Variants in OGDHL observed in about 807,000 individuals in gnomAD.
The protein encoded by OGDHL is 2-oxoglutarate dehydrogenase-like, mitochondrial.
A neutral mutation model predicts 109.6 loss-of-function variants in OGDHL; 79 were observed. The observed-to-expected ratio is 0.72, with a 90% CI of 0.60 to 0.87. OGDHL has a LOEUF of 0.87. Ranked by LOEUF, OGDHL falls within the 40% of genes least tolerant of loss-of-function variation. The pLI, the probability that OGDHL is intolerant of heterozygous loss-of-function variation, is 0.00. For synonymous variants in OGDHL, 528 were observed against 537.2 expected, an observed-to-expected ratio of 0.98 and a Z score of 0.24; for missense variants, 1,275 against 1,362.2, an observed-to-expected ratio of 0.94 and a Z score of 1.01.
At position 49,742,991 on chromosome 10, in the gene OGDHL, A is replaced by C. The variant is rs1469401175; in HGVS notation, c.1862-13T>G. 1 of 1,610,962 alleles carries C rather than the reference A, an allele frequency of 6.2e-7. No homozygotes were observed. The highest frequency in any genetic ancestry group is 1.7e-5 in the Admixed American group (1 of 59,982). On this transcript the variant is annotated splice_polypyrimidine_tract_variant and intron_variant, in intron 14 of 22. Transcript: ENST00000374103. Reference sequence around the variant, plus strand: ...ATGCGAGAGAGGCCTGTGGGAAAGGAGTGCTGGCCTGAGGGCCAAGGGACA... The same window carrying C: ...ATGCGAGAGAGGCCTGTGGGAAAGGCGTGCTGGCCTGAGGGCCAAGGGACA...
At chr10:49,753,297 T>A (rs1190354299) in intron 3 of OGDHL, among the ~76,000 whole-genome samples, 1 of 151,876 alleles carries the variant, frequency 6.6e-6, no homozygotes, top group African/African-American at 2.4e-5. Context: ...ATAAGAAAAA[T>A]TATCCTCTAG....
At chr10:49,758,690 C>T in intron 1 of OGDHL, 97 bp from the exon 2 acceptor site, 1 of 1,229,776 alleles carries the variant, frequency 8.1e-7, no homozygotes, top group Non-Finnish European at 1.2e-6. Context: ...TTGTCATTCC[C>T]ACTGGGCAGA....
At chr10:49,737,424 C>T (rs1408948969) in intron 20 of OGDHL, among the ~76,000 whole-genome samples, 3 of 152,184 alleles carry the variant, frequency 2.0e-5, no homozygotes, top group Non-Finnish European at 2.9e-5. Flanking sequence ...GAGGGGACAC[C>T]AGGACCCCAG....
Position 49,752,630 on chromosome 10 carries a change from G to A in OGDHL, c.478+8C>T. ...CACTGCCATGGCCGTCCTGAGGAAG[G>A]GTCTTACCCAGTTTATCAATGGTTG... On this transcript the variant is annotated splice_region_variant and intron_variant, in intron 4 of 22. Transcript: ENST00000374103. 6.2e-7 allele frequency: 1 copy of A among 1,612,152 alleles called. No individual in the cohort carries two copies. Among genetic ancestry groups the A allele is most frequent in the South Asian group, 1.1e-5 (1 of 91,034 alleles).
intron 21 of OGDHL, 82 bp downstream of exon 21, chr10:49,736,275 G>A: frequency 6.3e-7 from 1 of 1,588,358 alleles, no homozygotes; most frequent in Non-Finnish European, 8.6e-7. Context: ...CCTTCATCTG[G>A]CCTGCCTGGC....
chr10:49,738,427 C>A, intron 17 of OGDHL, 165 bp from the exon 18 acceptor site: 3 of 665,010 alleles, frequency 4.5e-6, no homozygotes, highest in African/African-American at 1.8e-5. Flanking sequence ...GGAACAAGAG[C>A]AGAATGGGAA....
chr10:49,761,312 G>C (rs1441089896), intron 1 of OGDHL, among the ~76,000 whole-genome samples: 1 of 152,076 alleles, frequency 6.6e-6, no homozygotes, highest in South Asian at 2.1e-4. Context: ...GAAAACTGCC[G>C]ACACCATGGC....
intron 10 of OGDHL, 52 bp from the exon 11 acceptor site, chr10:49,746,029 T>G (rs764925024): frequency 2.5e-6 from 4 of 1,588,122 alleles, no homozygotes; most frequent in Non-Finnish European, 3.4e-6. Context: ...TAGAGTGAGA[T>G]AGAAGGTGCC....
chr10:49,740,488 G>T (rs1349205729), intron 16 of OGDHL, among the ~76,000 whole-genome samples: 3 of 152,074 alleles, frequency 2.0e-5, no homozygotes. Flanking sequence ...AGGCAAGGAG[G>T]TCCCCCCAAC....
chr10:49,751,793 C>T (rs1247115183), intron 6 of OGDHL, 34 bp downstream of exon 6: 7 of 1,606,978 alleles, frequency 4.4e-6, no homozygotes, highest in Non-Finnish European at 5.9e-6. Flanking sequence ...TGGAGCAGGA[C>T]CTCCAGCCAC....
Position 49,738,173 on chromosome 10 carries a change from G to C in OGDHL, c.2391+18C>G. Reference sequence around the variant, plus strand: ...CAATAGGGCGCGTCCCTGTCCTGGGGACAGCAGCAACACTCACAGGGTAGG... The same window carrying C: ...CAATAGGGCGCGTCCCTGTCCTGGGCACAGCAGCAACACTCACAGGGTAGG... On this transcript the variant is annotated intron_variant, in intron 18 of 22. Transcript: ENST00000374103. The C allele has an allele frequency of 6.2e-7, 1 of 1,614,154 alleles. No individual in the cohort carries two copies. The highest frequency in any genetic ancestry group is 1.7e-5 in the Admixed American group (1 of 60,032).
chr10:49,742,441 A>C (rs150009587), intron 15 of OGDHL, among the ~76,000 whole-genome samples: 5 of 11,092 alleles, frequency 4.5e-4, no homozygotes, highest in African/African-American at 2.2e-3. Flanking sequence ...ACATACAACA[A>C]ACACACCACA....
intron 3 of OGDHL, among the ~76,000 whole-genome samples, chr10:49,755,210 C>T (rs1479567997): frequency 1.3e-5 from 2 of 152,178 alleles, no homozygotes; most frequent in Admixed American, 1.3e-4. Flanking sequence ...CATCACTGCA[C>T]TCCAGTCTGG....
rs952051614 is a variant in OGDHL at position 49,762,286 on chromosome 10, G to T, written c.-49C>A. The T allele has an allele frequency of 6.6e-6, 1 of 152,126 alleles. No homozygotes were observed. Among genetic ancestry groups the T allele is most frequent in the African/African-American group, 2.4e-5 (1 of 41,452 alleles). The allele number at this position is 152,126 out of a possible 1,614,324, so 9.4% of individuals were successfully genotyped here. A position where few individuals can be genotyped will look rare whatever the true frequency, so the allele number is the denominator to read the frequency against. ...GCTGCAGCGAGGTCCGGAGGCTGCA[G>T]GTCAGGGGGCTGCGCGGAAGGGGTG... On this transcript the variant is annotated 5_prime_UTR_variant, in exon 1 of 23. The change creates a new upstream start codon in the 5' untranslated region. Transcript: ENST00000374103.
chr10:49,758,916 C>T (rs1482090736), intron 1 of OGDHL, among the ~76,000 whole-genome samples: 1 of 152,190 alleles, frequency 6.6e-6, no homozygotes, highest in African/African-American at 2.4e-5. Context: ...CCAGGCCCTG[C>T]CTCAGGGAGC....
chr10:49,735,880 A>C lies in OGDHL; in HGVS notation c.2909+143T>G, dbSNP rs1306985419. 1.4e-5 allele frequency: 13 copies of C among 926,258 alleles called. No individual in the cohort carries two copies. The East Asian group carries it at 3.6e-4, about 26-fold the overall frequency. The allele number at this position is 926,258 out of a possible 1,614,324, so 57.4% of individuals were successfully genotyped here. On this transcript the variant is annotated intron_variant, in intron 22 of 22. Transcript: ENST00000374103. Reference sequence around the variant, plus strand: ...AGTTCTGGCTGCAGAACAAACACAAAGCCAGTACTGATGATGCCCCATCAT... The same window carrying C: ...AGTTCTGGCTGCAGAACAAACACAACGCCAGTACTGATGATGCCCCATCAT...
chr10:49,760,993 G>T (rs1306819526), intron 1 of OGDHL, among the ~76,000 whole-genome samples: 2 of 152,212 alleles, frequency 1.3e-5, no homozygotes, highest in Non-Finnish European at 2.9e-5. Context: ...AAACAGTCTG[G>T]GTTGGCCACT....
chr10:49,735,432 G>T, intron 22 of OGDHL, 81 bp from the exon 23 acceptor site: 1 of 1,522,512 alleles, frequency 6.6e-7, no homozygotes, highest in African/African-American at 1.4e-5. Flanking sequence ...GACTGCAGGG[G>T]GCACGCATCT....
At chr10:49,746,575 G>T (rs984354922) in intron 10 of OGDHL, among the ~76,000 whole-genome samples, 175 bp downstream of exon 10, 3 of 152,154 alleles carry the variant, frequency 2.0e-5, no homozygotes, top group Non-Finnish European at 4.4e-5. Context: ...CCTCCCTATT[G>T]TGTCTTCCAA....
Sources: gnomAD v4.1 joint callset for allele counts (sites outside exome capture counted in the v4.1 genomes callset) on GRCh38, gnomAD v4.1.1 for gene constraint, MANE v1.5 for transcripts, NCBI Gene and HGNC (gene_info 2026-07-23, HGNC 2026-07-21) for gene names.